Variants in CHL1 observed in about 807,000 individuals in gnomAD.
CHL1 encodes neural cell adhesion molecule L1-like protein.
Under a neutral mutation model 141.9 loss-of-function variants are expected in CHL1, and 96 were observed. The observed-to-expected ratio is 0.68, with a 90% CI of 0.57 to 0.80. The LOEUF (loss-of-function observed/expected upper bound fraction) is 0.80, where lower values mean the gene tolerates loss of function less well. CHL1 is among the 30% of genes least tolerant of loss of function. CHL1 has a pLI of 0.00. For missense variants in CHL1, 1,820 were observed against 1,457.2 expected, an observed-to-expected ratio of 1.25 and a Z score of -4.05; for synonymous variants, 613 against 502.2, an observed-to-expected ratio of 1.22 and a Z score of -2.95.
At chr3:279,771 G>A (rs1450977107) in intron 2 of CHL1, among the ~76,000 whole-genome samples, 2 of 152,184 alleles carry the variant, frequency 1.3e-5, no homozygotes, top group Non-Finnish European at 2.9e-5. Context: ...AATGAGAGAA[G>A]TGGGCAGTGA....
chr3:334,331 C>T (rs181794693), intron 5 of CHL1, among the ~76,000 whole-genome samples: 4 of 152,154 alleles, frequency 2.6e-5, no homozygotes, highest in South Asian at 2.1e-4. Flanking sequence ...GACACTATGC[C>T]CCACCAATGA....
chr3:294,641 CT>C (rs34090828), intron 2 of CHL1, among the ~76,000 whole-genome samples: 18 of 151,836 alleles, frequency 1.2e-4, no homozygotes, highest in African/African-American at 2.2e-4. Context: ...TAAAATATTC[CT>C]TTTTTTTCCA....
At chr3:231,872 C>A (rs1055848556) in intron 1 of CHL1, among the ~76,000 whole-genome samples, 7 of 152,088 alleles carry the variant, frequency 4.6e-5, no homozygotes, top group Non-Finnish European at 1.0e-4. Flanking sequence ...CTACCACACC[C>A]AGCCTAGACC....
chr3:202,208 G>C (rs1172109115), intron 1 of CHL1, among the ~76,000 whole-genome samples: 1 of 152,090 alleles, frequency 6.6e-6, no homozygotes, highest in Non-Finnish European at 1.5e-5. Context: ...ACATTGTATG[G>C]GGCAATCTAT....
intron 1 of CHL1, among the ~76,000 whole-genome samples, chr3:240,977 C>T (rs1692506470): frequency 6.6e-6 from 1 of 152,050 alleles, no homozygotes; most frequent in Admixed American, 6.6e-5. Flanking sequence ...TATACAAGTA[C>T]CATGCTGTTT....
At chr3:247,869 A>G (rs892793807) in intron 2 of CHL1, 2 of 152,124 alleles carry the variant, frequency 1.3e-5, no homozygotes, top group Non-Finnish European at 2.9e-5. Context: ...TCGAAGTTGT[A>G]TGCTCTTCAG....
intron 2 of CHL1, among the ~76,000 whole-genome samples, chr3:274,384 G>A (rs1380338270): frequency 1.3e-5 from 2 of 152,166 alleles, no homozygotes; most frequent in African/African-American, 4.8e-5. Context: ...ATAGGAATGT[G>A]TTTGCCTAAG....
rs374658360 is a variant in CHL1, at chr3:401,705, A to T, written c.3458+7A>T. On this transcript the variant is annotated splice_region_variant and intron_variant, in intron 27 of 27. Coordinates refer to ENST00000256509, the MANE Select transcript of CHL1 (RefSeq NM_006614.4). ...AAACCTTTGGTGAATACAGGTAAAC[A>T]TAAGGTTCTGTTGTAAAATAAAACA... 7.2e-6 allele frequency: 11 copies of T among 1,517,872 alleles called. No homozygotes were observed. In the African/African-American group the frequency reaches 8.4e-5, roughly 12 times the overall value. 94.0% of individuals were successfully genotyped at this position (1,517,872 alleles called of 1,614,324 possible).
intron 13 of CHL1, among the ~76,000 whole-genome samples, chr3:362,756 C>T (rs1704407355): frequency 6.6e-6 from 1 of 152,130 alleles, no homozygotes; most frequent in East Asian, 1.9e-4. Flanking sequence ...AAATGTAATC[C>T]ATGTCCACAG....
chr3:289,452 T>C (rs546901438), intron 2 of CHL1, among the ~76,000 whole-genome samples: 1 of 152,200 alleles, frequency 6.6e-6, no homozygotes, highest in African/African-American at 2.4e-5. Context: ...AGAGCAATTA[T>C]AGAATCTAGC....
chr3:254,931 C>G (rs1013943964), intron 2 of CHL1, among the ~76,000 whole-genome samples: 11 of 152,158 alleles, frequency 7.2e-5, no homozygotes, highest in African/African-American at 2.7e-4. Flanking sequence ...GGAAGGGATG[C>G]ATTCAAACCC....
chr3:273,007 A>G (rs1695776868), intron 2 of CHL1, among the ~76,000 whole-genome samples: 1 of 152,236 alleles, frequency 6.6e-6, no homozygotes, highest in Admixed American at 6.5e-5. Context: ...AAACTAGATA[A>G]TGAAAGAAGG....
At chr3:303,276 G>T (rs1209527287) in intron 2 of CHL1, among the ~76,000 whole-genome samples, 1 of 151,410 alleles carries the variant, frequency 6.6e-6, no homozygotes, top group Non-Finnish European at 1.5e-5. Context: ...CCAATTCTGT[G>T]AAGAAAGTCA....
intron 1 of CHL1, among the ~76,000 whole-genome samples, chr3:209,579 T>C: frequency 6.6e-6 from 1 of 152,234 alleles, no homozygotes; most frequent in Admixed American, 6.5e-5. Flanking sequence ...TTTGTCATTA[T>C]TATACTTCAA....
chr3:391,502 G>A (rs915648937), intron 22 of CHL1, among the ~76,000 whole-genome samples, 173 bp from the exon 23 acceptor site: 4 of 152,150 alleles, frequency 2.6e-5, no homozygotes, highest in Non-Finnish European at 4.4e-5. Context: ...CCTGGGCCAC[G>A]TGAGACTCTG....
At chr3:358,356 AT>A (rs1703904165) in intron 11 of CHL1, among the ~76,000 whole-genome samples, 1 of 151,856 alleles carries the variant, frequency 6.6e-6, no homozygotes, top group Non-Finnish European at 1.5e-5. Context: ...GGGCCTTCTG[AT>A]TTTCAGGAGC....
chr3:379,820 G>C (rs962647477), intron 16 of CHL1, among the ~76,000 whole-genome samples: 3 of 151,454 alleles, frequency 2.0e-5, no homozygotes, highest in African/African-American at 7.3e-5. Flanking sequence ...TTATTTTTTA[G>C]ACAAACTTCT....
chr3:287,761 T>C (rs1007831140), intron 2 of CHL1, among the ~76,000 whole-genome samples: 2 of 145,740 alleles, frequency 1.4e-5, no homozygotes, highest in African/African-American at 2.8e-5. Context: ...GCTCCACTGG[T>C]GTCTTTTTTT....
chr3:304,516 G>C (rs1419704299), intron 2 of CHL1, among the ~76,000 whole-genome samples: 1 of 152,172 alleles, frequency 6.6e-6, no homozygotes, highest in African/African-American at 2.4e-5. Flanking sequence ...AGATTTTCTA[G>C]TTTATTTGCA....
Sources: allele counts gnomAD v4.1 joint callset (sites outside exome capture counted in the v4.1 genomes callset), GRCh38; gene constraint gnomAD v4.1.1; transcripts MANE v1.5; gene names NCBI Gene and HGNC (gene_info 2026-07-23, HGNC 2026-07-21).